The following CHSY3 variants were observed in gnomAD, a reference collection of about 807,000 sequenced individuals.
CHSY3 encodes N-acetylgalactosaminyl-proteoglycan 3-beta-glucuronosyltransferase 3.
CHSY3 carries 35 observed loss-of-function variants against 67.2 expected under a neutral mutation model. The ratio of observed to expected loss-of-function variants is 0.52; its 90% CI spans 0.40 to 0.69. CHSY3 has a LOEUF of 0.69. Ranked by LOEUF, CHSY3 falls within the 30% of genes least tolerant of loss-of-function variation. CHSY3 has a pLI of 0.00. For synonymous variants in CHSY3, 474 were observed against 434.7 expected, an observed-to-expected ratio of 1.09 and a Z score of -1.12; for missense variants, 1,069 against 1,138.5, an observed-to-expected ratio of 0.94 and a Z score of 0.88.
At position 129,904,559 on chromosome 5, in the gene CHSY3, G is replaced by A. The variant is rs1760154341; in HGVS notation, c.-271G>A. 7.8e-6 allele frequency: 3 copies of A among 386,642 alleles called. No homozygotes were observed. Among genetic ancestry groups the A allele is most frequent in the Non-Finnish European group, 1.3e-5 (3 of 237,310 alleles). The allele number at this position is 386,642 out of a possible 1,614,324, so 24.0% of individuals were successfully genotyped here. A position where few individuals can be genotyped will look rare whatever the true frequency, so the allele number is the denominator to read the frequency against. On this transcript the variant is annotated 5_prime_UTR_variant, in exon 1 of 3. Coordinates refer to ENST00000305031, the MANE Select transcript of CHSY3 (RefSeq NM_175856.5). ...TCCTCCAGCTGCCGCTGCTGCCGCC[G>A]CTGCCGCCACCGCCGCCGCCGGGAG...
intron 2 of CHSY3, among the ~76,000 whole-genome samples, chr5:130,180,210 A>G (rs1770203990): frequency 6.6e-6 from 1 of 152,180 alleles, no homozygotes; most frequent in Non-Finnish European, 1.5e-5. Flanking sequence ...GATCCTGCCC[A>G]ACCTCAGAAG....
intron 2 of CHSY3, among the ~76,000 whole-genome samples, chr5:130,126,422 A>G (rs1768289275): frequency 6.6e-6 from 1 of 152,234 alleles, no homozygotes; most frequent in South Asian, 2.1e-4. Context: ...AAATAAAGAC[A>G]TAATTATACT....
chr5:130,153,339 A>C (rs145726552), intron 2 of CHSY3, among the ~76,000 whole-genome samples: 190 of 152,154 alleles, frequency 1.2e-3, no homozygotes, highest in Non-Finnish European at 1.4e-3. Flanking sequence ...AACTGCTTAA[A>C]ACTACATAAA....
intron 2 of CHSY3, among the ~76,000 whole-genome samples, chr5:130,161,593 A>C (rs1268426484): frequency 6.6e-6 from 1 of 152,194 alleles, no homozygotes; most frequent in Admixed American, 6.5e-5. Flanking sequence ...ACATTTTGCA[A>C]TTTATTCAGA....
intron 2 of CHSY3, among the ~76,000 whole-genome samples, chr5:129,976,636 A>G (rs537778429): frequency 2.4e-4 from 36 of 152,180 alleles, no homozygotes; most frequent in African/African-American, 7.9e-4. Context: ...GAAGACTTAC[A>G]TATACCTGAA....
At chr5:130,133,771 TAAAAAAAAAAAAA>T (rs758023976) in intron 2 of CHSY3, among the ~76,000 whole-genome samples, 9 of 58,118 alleles carry the variant, frequency 1.5e-4, no homozygotes, top group Non-Finnish European at 2.2e-4. Context: ...GACTCCGTCT[TAAAAAAAAAAAAA>T]AAAAAAAAAA....
chr5:130,059,296 A>C (rs1765632253), intron 2 of CHSY3, among the ~76,000 whole-genome samples: 1 of 152,038 alleles, frequency 6.6e-6, no homozygotes, highest in East Asian at 1.9e-4. Context: ...CCTGAATTTC[A>C]AGCCTGCCAG....
chr5:130,104,733 A>G (rs10073639), intron 2 of CHSY3, among the ~76,000 whole-genome samples: 82,404 of 151,608 alleles, frequency 0.54, 23,067 homozygotes, highest in East Asian at 0.68. Context: ...GTTAATGAAT[A>G]TGAATTAACA....
At chr5:130,156,601 TATC>T (rs1204819017) in intron 2 of CHSY3, among the ~76,000 whole-genome samples, 2 of 152,208 alleles carry the variant, frequency 1.3e-5, no homozygotes, top group Non-Finnish European at 2.9e-5. Flanking sequence ...AGTTCAAACA[TATC>T]ATGCTCTCTG....
At chr5:130,137,205 C>T (rs147004593) in intron 2 of CHSY3, among the ~76,000 whole-genome samples, 1 of 152,096 alleles carries the variant, frequency 6.6e-6, no homozygotes, top group Non-Finnish European at 1.5e-5. Flanking sequence ...TGCACATCTC[C>T]GGGAATGAAG....
rs748527727 is a variant in CHSY3 at position 130,185,034 on chromosome 5, A to G, written c.1892A>G (p.Tyr631Cys). ...VHILVPLIGRYDIFLRFMENF... is the reference protein window; with the variant it reads ...VHILVPLIGRCDIFLRFMENF... ...ATTCTCGTTCCTCTCATCGGAAGGTATGACATTTTCTTGAGATTCATGGAG... is the reference window on the plus strand; with the variant it reads ...ATTCTCGTTCCTCTCATCGGAAGGTGTGACATTTTCTTGAGATTCATGGAG... Residue 631 changes from tyrosine to cysteine, a missense_variant, in exon 3 of 3, where the codon TAT becomes TGT. By Grantham distance (194) the Tyr-to-Cys change is radical. Around this residue, in one of 5 missense-constraint regions of CHSY3, gnomAD observed 401 missense variants for 395.2 expected, o/e 1.01. Coordinates refer to ENST00000305031, the MANE Select transcript of CHSY3 (RefSeq NM_175856.5). 3.1e-6 allele frequency: 5 copies of G among 1,590,864 alleles called. No individual in the cohort carries two copies. The highest frequency in any genetic ancestry group is 2.2e-5 in the East Asian group (1 of 44,744).
intron 2 of CHSY3, among the ~76,000 whole-genome samples, chr5:130,134,472 G>A (rs774605067): frequency 1.3e-5 from 2 of 152,138 alleles, no homozygotes; most frequent in Non-Finnish European, 2.9e-5. Flanking sequence ...TTCACCAATT[G>A]TAATATCTTA....
At chr5:130,173,664 T>C (rs545658171) in intron 2 of CHSY3, among the ~76,000 whole-genome samples, 1 of 152,272 alleles carries the variant, frequency 6.6e-6, no homozygotes, top group South Asian at 2.1e-4. Context: ...GCATACAGGA[T>C]ATGAAGAAGA....
intron 2 of CHSY3, chr5:130,141,614 A>G (rs762403791): frequency 3.9e-6 from 2 of 510,458 alleles, no homozygotes; most frequent in Non-Finnish European, 7.7e-6. Context: ...GATGAGAAGC[A>G]GAAGGACAAG....
At chr5:130,081,418 T>C (rs542212518) in intron 2 of CHSY3, among the ~76,000 whole-genome samples, 11 of 152,054 alleles carry the variant, frequency 7.2e-5, no homozygotes, top group Non-Finnish European at 1.5e-4. Flanking sequence ...GAAAGTGCCA[T>C]ATTTGGGAGT....
intron 2 of CHSY3, among the ~76,000 whole-genome samples, chr5:129,923,775 G>A (rs961999376): frequency 3.5e-4 from 53 of 152,058 alleles, no homozygotes; most frequent in African/African-American, 1.3e-3. Context: ...GGATGAGAGA[G>A]GAAAAAACAT....
At chr5:130,049,376 T>C (rs1561513046) in intron 2 of CHSY3, among the ~76,000 whole-genome samples, 1 of 152,102 alleles carries the variant, frequency 6.6e-6, no homozygotes, top group Non-Finnish European at 1.5e-5. Flanking sequence ...TACAGGCTTC[T>C]CTTATGAAAG....
intron 2 of CHSY3, among the ~76,000 whole-genome samples, chr5:130,053,537 A>G (rs1765433138): frequency 6.6e-6 from 1 of 152,136 alleles, no homozygotes; most frequent in African/African-American, 2.4e-5. Flanking sequence ...ACTATCCTTC[A>G]GTTCCTAATT....
intron 2 of CHSY3, among the ~76,000 whole-genome samples, chr5:129,948,432 A>G (rs1761929419): frequency 6.6e-6 from 1 of 152,110 alleles, no homozygotes. Flanking sequence ...AGGACATATG[A>G]TTTTAGTTTT....
Sources: allele counts gnomAD v4.1 joint callset (sites outside exome capture counted in the v4.1 genomes callset), GRCh38; gene constraint gnomAD v4.1.1; regional missense constraint gnomAD v4.1.1; transcripts MANE v1.5; gene names NCBI Gene and HGNC (gene_info 2026-07-23, HGNC 2026-07-21).